The following ERN1 variants were observed in gnomAD, a reference collection of about 807,000 sequenced individuals.
ERN1 encodes the protein endoplasmic reticulum to nucleus signaling 1, also known as serine/threonine-protein kinase/endoribonuclease IRE1.
Under a neutral mutation model 113.1 loss-of-function variants are expected in ERN1, and 39 were observed. The observed-to-expected ratio is 0.34, with a 90% CI of 0.27 to 0.45. The LOEUF (loss-of-function observed/expected upper bound fraction) is 0.45, where lower values mean the gene tolerates loss of function less well. Among genes scored for constraint, ERN1 ranks in the 20% least tolerant of loss-of-function variants. The pLI, the probability that ERN1 is intolerant of heterozygous loss-of-function variation, is 1.00. For synonymous variants in ERN1, 507 were observed against 515.9 expected, an observed-to-expected ratio of 0.98 and a Z score of 0.23; for missense variants, 976 against 1,274.8, an observed-to-expected ratio of 0.77 and a Z score of 3.57.
In ERN1 at chr17:64,055,858, G is replaced by A; in HGVS notation, c.1489C>T (p.Pro497Ser). 1 of 1,552,612 alleles carries A rather than the reference G, an allele frequency of 6.4e-7. No individual in the cohort carries two copies. Among genetic ancestry groups the A allele is most frequent in the Non-Finnish European group, 8.7e-7 (1 of 1,147,726 alleles). Residue 497 changes from proline to serine, a missense_variant, in exon 13 of 22, where the codon CCC becomes TCC. By Grantham distance (74) the Pro-to-Ser change is moderately conservative (BLOSUM62 -1). Transcript: ENST00000433197. Reference protein sequence around the residue: ...QLLQQQQQQLPFHPPGDTAQD... With the variant: ...QLLQQQQQQLSFHPPGDTAQD... ...GCCGTGTCTCCAGGTGGGTGGAAGG[G>A]CAGCTGCTGCTGCTGCTGCTGCAGG... is the stretch of plus-strand genomic sequence containing the variant.
chr17:64,082,344 T>C (rs1913792922), intron 2 of ERN1, among the ~76,000 whole-genome samples: 1 of 152,076 alleles, frequency 6.6e-6, no homozygotes, highest in South Asian at 2.1e-4. Context: ...ACAAACAGAC[T>C]GATGCAAGAG....
intron 18 of ERN1, 106 bp from the exon 19 acceptor site, chr17:64,048,091 C>A: frequency 1.9e-6 from 2 of 1,045,174 alleles, no homozygotes; most frequent in Non-Finnish European, 2.7e-6. Context: ...ATTCTATTTA[C>A]AGGAATTTAT....
intron 1 of ERN1, among the ~76,000 whole-genome samples, chr17:64,119,148 T>C (rs1914884516): frequency 6.6e-6 from 1 of 152,084 alleles, no homozygotes; most frequent in African/African-American, 2.4e-5. Context: ...TAAACAAATA[T>C]ATAAATAAAT....
chr17:64,103,079 TG>T lies in ERN1; in HGVS notation c.55-4839del, dbSNP rs951660176. ...ACTCTGTCCAGCATGTGTCACTCAG[TG>T]GGCTTCAGCAGTATAAGGGTCCTCA... On this transcript the variant is annotated intron_variant, in intron 1 of 21. Transcript: ENST00000433197. 15 of 423,136 alleles carry T rather than the reference TG, an allele frequency of 3.5e-5. No homozygotes were observed. In the Admixed American group the frequency reaches 6.4e-4, roughly 18 times the overall value. The allele number at this position is 423,136 out of a possible 1,614,324, so 26.2% of individuals were successfully genotyped here.
At chr17:64,096,207 C>T (rs1207851994) in intron 2 of ERN1, among the ~76,000 whole-genome samples, 2 of 152,220 alleles carry the variant, frequency 1.3e-5, no homozygotes, top group African/African-American at 4.8e-5. Flanking sequence ...AAAGCTTCAT[C>T]TGTATTTACA....
intron 2 of ERN1, among the ~76,000 whole-genome samples, chr17:64,086,661 T>TG (rs1913938019): frequency 2.3e-5 from 3 of 130,756 alleles, no homozygotes; most frequent in Non-Finnish European, 4.7e-5. Context: ...TTTTTTTTTT[T>TG]TTTGAGATGG....
chr17:64,087,398 A>G (rs1457456373), intron 2 of ERN1, among the ~76,000 whole-genome samples: 1 of 152,212 alleles, frequency 6.6e-6, no homozygotes, highest in African/African-American at 2.4e-5. Context: ...TGGGTGTCTC[A>G]GCCCAAGGCC....
At chr17:64,105,733 A>G (rs1264074531) in intron 1 of ERN1, among the ~76,000 whole-genome samples, 1 of 152,198 alleles carries the variant, frequency 6.6e-6, no homozygotes, top group African/African-American at 2.4e-5. Flanking sequence ...TGGGAGGCCA[A>G]GGTGGGCAGA....
intron 6 of ERN1, among the ~76,000 whole-genome samples, chr17:64,070,910 C>T (rs1296088689): frequency 6.6e-6 from 1 of 152,168 alleles, no homozygotes; most frequent in Non-Finnish European, 1.5e-5. Flanking sequence ...TTCATACATT[C>T]AAACATTGAG....
At chr17:64,092,914 T>C (rs1384567063) in intron 2 of ERN1, among the ~76,000 whole-genome samples, 2 of 152,336 alleles carry the variant, frequency 1.3e-5, no homozygotes, top group East Asian at 3.9e-4. Flanking sequence ...CTCTATTCAC[T>C]GGTGAGGTTT....
chr17:64,112,838 C>G (rs1269606180), intron 1 of ERN1, among the ~76,000 whole-genome samples: 3 of 152,146 alleles, frequency 2.0e-5, no homozygotes, highest in Non-Finnish European at 4.4e-5. Flanking sequence ...CAACTCTAGT[C>G]TAATTGGAGT....
At chr17:64,102,710 T>G (rs186156465) in intron 1 of ERN1, 48 of 985,294 alleles carry the variant, frequency 4.9e-5, no homozygotes, top group Non-Finnish European at 5.7e-5. Flanking sequence ...AAGATGAACT[T>G]GTGCCTTGTC....
intron 1 of ERN1, among the ~76,000 whole-genome samples, chr17:64,120,702 A>G (rs1015425401): frequency 6.6e-6 from 1 of 152,132 alleles, no homozygotes; most frequent in Non-Finnish European, 1.5e-5. Context: ...CTCATTACTG[A>G]TAAGAAGAGC....
chr17:64,111,073 T>C (rs1914659259), intron 1 of ERN1, among the ~76,000 whole-genome samples: 1 of 151,998 alleles, frequency 6.6e-6, no homozygotes, highest in Admixed American at 6.6e-5. Flanking sequence ...AAGGAAGAAC[T>C]CCCTCGTGAA....
chr17:64,093,649 A>G (rs925263447), intron 2 of ERN1, among the ~76,000 whole-genome samples: 3 of 152,068 alleles, frequency 2.0e-5, no homozygotes, highest in Non-Finnish European at 4.4e-5. Context: ...CCCTTCTCAT[A>G]AGGACACTCA....
chr17:64,108,492 C>T (rs1213807119), intron 1 of ERN1, among the ~76,000 whole-genome samples: 1 of 152,158 alleles, frequency 6.6e-6, no homozygotes, highest in African/African-American at 2.4e-5. Context: ...GGTATCAAAT[C>T]CCTAAGGTCC....
chr17:64,126,090 T>C (rs1915074028), intron 1 of ERN1, among the ~76,000 whole-genome samples: 1 of 151,882 alleles, frequency 6.6e-6, no homozygotes, highest in African/African-American at 2.4e-5. Flanking sequence ...AAAAAAAAAC[T>C]GCTTCTGGGA....
intron 2 of ERN1, among the ~76,000 whole-genome samples, chr17:64,081,262 T>C (rs1458932420): frequency 6.6e-6 from 1 of 152,218 alleles, no homozygotes; most frequent in Non-Finnish European, 1.5e-5. Context: ...GTTTAAGAAC[T>C]AACTTTGATT....
At chr17:64,087,864 C>A (rs926753248) in intron 2 of ERN1, among the ~76,000 whole-genome samples, 1 of 152,164 alleles carries the variant, frequency 6.6e-6, no homozygotes, top group African/African-American at 2.4e-5. Flanking sequence ...AAGTTAAGAG[C>A]ATGAAGGACC....
Sources: allele counts gnomAD v4.1 joint callset (sites outside exome capture counted in the v4.1 genomes callset), GRCh38; gene constraint gnomAD v4.1.1; transcripts MANE v1.5; gene names NCBI Gene and HGNC (gene_info 2026-07-23, HGNC 2026-07-21).